The following ENOX1 variants were observed in gnomAD, a reference collection of about 807,000 sequenced individuals.
ENOX1 encodes ecto-NOX disulfide-thiol exchanger 1, also known as candidate growth-related and time keeping constitutive hydroquinone (NADH) oxidase.
In ENOX1, 42 loss-of-function variants were observed where a neutral mutation model predicts 82.5. The ratio of observed to expected loss-of-function variants is 0.51; its 90% CI spans 0.40 to 0.66. The LOEUF is 0.66. ENOX1 is among the 30% of genes least tolerant of loss of function. The pLI, the probability that ENOX1 is intolerant of heterozygous loss-of-function variation, is 0.00. For missense variants in ENOX1, 608 were observed against 811.6 expected (o/e 0.75, Z 3.05); for synonymous variants, 271 against 282.2 (o/e 0.96, Z 0.40).
At chr13:43,272,611 G>A (rs913238812) in intron 12 of ENOX1, among the ~76,000 whole-genome samples, 1 of 152,084 alleles carries the variant, frequency 6.6e-6, no homozygotes, top group African/African-American at 2.4e-5. Flanking sequence ...AGCTATAGGG[G>A]TTTATTTATA....
At chr13:43,225,080 T>TC (rs1351539091) in intron 15 of ENOX1, among the ~76,000 whole-genome samples, 1 of 152,198 alleles carries the variant, frequency 6.6e-6, no homozygotes, top group African/African-American at 2.4e-5. Context: ...TGGAATACTA[T>TC]GTAGCCATAA....
At chr13:43,585,568 A>C (rs2080938906) in intron 2 of ENOX1, among the ~76,000 whole-genome samples, 1 of 152,036 alleles carries the variant, frequency 6.6e-6, no homozygotes, top group Non-Finnish European at 1.5e-5. Context: ...AAATTCTTTT[A>C]AGTTTTGTTT....
At chr13:43,496,468 C>CGA (rs1470041801) in intron 2 of ENOX1, among the ~76,000 whole-genome samples, 1 of 151,818 alleles carries the variant, frequency 6.6e-6, no homozygotes, top group Non-Finnish European at 1.5e-5. Context: ...TGACTGTAAC[C>CGA]GAGTACCCCT....
chr13:43,214,550 G>T (rs550199171), intron 16 of ENOX1, among the ~76,000 whole-genome samples: 2 of 152,108 alleles, frequency 1.3e-5, no homozygotes, highest in East Asian at 3.8e-4. Context: ...GAAGACATTC[G>T]GGTGGATTTC....
chr13:43,591,540 G>A (rs1260725242), intron 2 of ENOX1, among the ~76,000 whole-genome samples: 4 of 152,272 alleles, frequency 2.6e-5, no homozygotes, highest in East Asian at 1.9e-4. Context: ...AGAAAAGTAC[G>A]TAGGAGACAC....
At chr13:43,400,347 T>A (rs955899651) in intron 5 of ENOX1, among the ~76,000 whole-genome samples, 1 of 152,186 alleles carries the variant, frequency 6.6e-6, no homozygotes, top group African/African-American at 2.4e-5. Flanking sequence ...AGGAACTCCC[T>A]CCACCTGAGT....
intron 3 of ENOX1, among the ~76,000 whole-genome samples, chr13:43,452,499 T>C (rs1261012632): frequency 6.6e-6 from 1 of 152,146 alleles, no homozygotes; most frequent in East Asian, 1.9e-4. Context: ...ATGTGCCACA[T>C]TTTCTTTATC....
intron 12 of ENOX1, among the ~76,000 whole-genome samples, chr13:43,277,826 T>C (rs753132540): frequency 1.3e-5 from 2 of 152,114 alleles, no homozygotes; most frequent in Non-Finnish European, 2.9e-5. Context: ...CCAAGAATCT[T>C]TGAGCCATGA....
At chr13:43,616,256 GCAGTGGTGTGATCT>G (rs1269705345) in intron 2 of ENOX1, among the ~76,000 whole-genome samples, 1 of 131,218 alleles carries the variant, frequency 7.6e-6, no homozygotes, top group Non-Finnish European at 1.6e-5. Flanking sequence ...AGGCTGGAGT[GCAGTGGTGTGATCT>G]CGGCTCACTG....
chr13:43,731,828 C>T (rs1208262994), intron 1 of ENOX1, among the ~76,000 whole-genome samples: 2 of 152,166 alleles, frequency 1.3e-5, no homozygotes, highest in South Asian at 4.1e-4. Context: ...CAAAACATCA[C>T]GATTTATAAT....
At chr13:43,600,285 G>C (rs1208534068) in intron 2 of ENOX1, among the ~76,000 whole-genome samples, 1 of 152,110 alleles carries the variant, frequency 6.6e-6, no homozygotes, top group Non-Finnish European at 1.5e-5. Context: ...GACCAGCACT[G>C]GCCAGAGAGA....
intron 2 of ENOX1, among the ~76,000 whole-genome samples, chr13:43,516,402 G>A (rs796088583): frequency 7.9e-5 from 12 of 152,282 alleles, no homozygotes; most frequent in African/African-American, 2.2e-4. Flanking sequence ...GAGTGTACAC[G>A]TTAGAGAAGG....
intron 12 of ENOX1, among the ~76,000 whole-genome samples, chr13:43,287,773 G>C (rs1206005817): frequency 6.6e-6 from 1 of 152,124 alleles, no homozygotes; most frequent in Non-Finnish European, 1.5e-5. Context: ...GAATCAAAAG[G>C]AAAAGTGCTC....
At chr13:43,681,686 AACACACACACAC>A (rs3044219) in intron 1 of ENOX1, among the ~76,000 whole-genome samples, 46 of 135,336 alleles carry the variant, frequency 3.4e-4, no homozygotes, top group South Asian at 1.6e-3. Context: ...ATAATGCATA[AACACACACACAC>A]ACACACACAC....
chr13:43,290,613 A>G (rs1470312597), intron 12 of ENOX1, among the ~76,000 whole-genome samples: 1 of 152,158 alleles, frequency 6.6e-6, no homozygotes, highest in African/African-American at 2.4e-5. Flanking sequence ...GGAGAGAGGG[A>G]GAAGGGCACG....
At chr13:43,749,871 C>T (rs1222992894) in intron 1 of ENOX1, among the ~76,000 whole-genome samples, 1 of 152,100 alleles carries the variant, frequency 6.6e-6, no homozygotes, top group African/African-American at 2.4e-5. Context: ...AATTCAGGAT[C>T]CTTTGTTGAA....
intron 3 of ENOX1, among the ~76,000 whole-genome samples, chr13:43,474,716 A>G (rs1165749626): frequency 6.6e-6 from 1 of 152,194 alleles, no homozygotes; most frequent in Non-Finnish European, 1.5e-5. Flanking sequence ...GTATTTGAAA[A>G]ATTTAGAATC....
At chr13:43,452,506 T>C (rs900008963) in intron 3 of ENOX1, among the ~76,000 whole-genome samples, 1 of 152,166 alleles carries the variant, frequency 6.6e-6, no homozygotes, top group East Asian at 1.9e-4. Context: ...ACATTTTCTT[T>C]ATCCTGTCCA....
At chr13:43,478,763 T>A (rs2058392122) in intron 3 of ENOX1, among the ~76,000 whole-genome samples, 1 of 152,206 alleles carries the variant, frequency 6.6e-6, no homozygotes, top group South Asian at 2.1e-4. Context: ...ATACCCCTAC[T>A]GGAAACTGTA....
Sources: allele counts gnomAD v4.1 joint callset (sites outside exome capture counted in the v4.1 genomes callset), GRCh38; gene constraint gnomAD v4.1.1; transcripts MANE v1.5; gene names NCBI Gene and HGNC (gene_info 2026-07-23, HGNC 2026-07-21).